The following XPR1 variants were observed in gnomAD, a reference collection of about 807,000 sequenced individuals.
XPR1 encodes the protein xenotropic and polytropic retrovirus receptor 1.
XPR1 carries 28 observed loss-of-function variants against 87.5 expected under a neutral mutation model. The ratio of observed to expected loss-of-function variants is 0.32; its 90% CI spans 0.24 to 0.44. The LOEUF (loss-of-function observed/expected upper bound fraction) is 0.44. Ranked by LOEUF, XPR1 falls within the 20% of genes least tolerant of loss-of-function variation. XPR1 has a pLI of 1.00. For synonymous variants in XPR1, 300 were observed against 306.1 expected (o/e 0.98, Z 0.21); for missense variants, 559 against 862.3 (o/e 0.65, Z 4.41).
intron 12 of XPR1, among the ~76,000 whole-genome samples, chr1:180,864,507 G>C (rs189512520): frequency 5.3e-5 from 8 of 152,268 alleles, no homozygotes; most frequent in Admixed American, 3.3e-4. Flanking sequence ...AATGAAAAGT[G>C]TCATGAAAAG....
At chr1:180,847,941 G>A (rs1272680072) in intron 11 of XPR1, among the ~76,000 whole-genome samples, 3 of 152,198 alleles carry the variant, frequency 2.0e-5, no homozygotes, top group African/African-American at 7.2e-5. Flanking sequence ...GTTTGGAAAC[G>A]TAGAAGGAAA....
chr1:180,856,541 A>G (rs577195827), intron 11 of XPR1, among the ~76,000 whole-genome samples: 162 of 152,336 alleles, frequency 1.1e-3, no homozygotes, highest in African/African-American at 3.8e-3. Flanking sequence ...TAAGTACCTT[A>G]AAGTCAACAC....
At chr1:180,810,533 C>T (rs1650169277) in intron 6 of XPR1, among the ~76,000 whole-genome samples, 1 of 151,812 alleles carries the variant, frequency 6.6e-6, no homozygotes, top group Non-Finnish European at 1.5e-5. Flanking sequence ...AAGCTGTGAT[C>T]ACACCCCTGC....
chr1:180,812,739 C>T (rs1465406678), intron 7 of XPR1, among the ~76,000 whole-genome samples: 4 of 151,492 alleles, frequency 2.6e-5, no homozygotes, highest in African/African-American at 9.7e-5. Flanking sequence ...ACCTCTGCCT[C>T]CTGGGTTCAC....
At chr1:180,728,842 A>G (rs1242255515) in intron 2 of XPR1, among the ~76,000 whole-genome samples, 1 of 152,026 alleles carries the variant, frequency 6.6e-6, no homozygotes, top group Non-Finnish European at 1.5e-5. Flanking sequence ...TTGTTAAATT[A>G]ATTTTCAGGT....
intron 2 of XPR1, among the ~76,000 whole-genome samples, chr1:180,711,968 T>TC (rs1368592658): frequency 6.6e-6 from 1 of 152,194 alleles, no homozygotes; most frequent in Non-Finnish European, 1.5e-5. Context: ...CCATCCTGTC[T>TC]CCACTGTATT....
chr1:180,720,905 G>A (rs533466935), intron 2 of XPR1, among the ~76,000 whole-genome samples: 198 of 152,214 alleles, frequency 1.3e-3, no homozygotes, highest in African/African-American at 4.6e-3. Flanking sequence ...GAATCAGAGG[G>A]TAAAATGAGA....
intron 2 of XPR1, among the ~76,000 whole-genome samples, chr1:180,682,748 G>T (rs1443261477): frequency 6.6e-6 from 1 of 151,424 alleles, no homozygotes; most frequent in Non-Finnish European, 1.5e-5. Context: ...ACACAACATA[G>T]CTTTTCCTTT....
intron 2 of XPR1, among the ~76,000 whole-genome samples, chr1:180,713,587 G>T (rs1657881809): frequency 1.3e-5 from 2 of 152,132 alleles, no homozygotes; most frequent in African/African-American, 4.8e-5. Flanking sequence ...TTAGGAGTAA[G>T]TAGACATTGG....
chr1:180,703,547 G>C (rs1045109791), intron 2 of XPR1, among the ~76,000 whole-genome samples: 1 of 152,176 alleles, frequency 6.6e-6, no homozygotes, highest in Non-Finnish European at 1.5e-5. Context: ...AGGCAGGGCA[G>C]ATCAGTCCTC....
chr1:180,848,264 C>A (rs141977744), intron 11 of XPR1, among the ~76,000 whole-genome samples: 35 of 152,198 alleles, frequency 2.3e-4, no homozygotes, highest in African/African-American at 4.3e-4. Flanking sequence ...ACTTATTGCT[C>A]CTATCTAGAT....
chr1:180,819,055 T>G (rs999463170), intron 7 of XPR1, among the ~76,000 whole-genome samples: 6 of 152,160 alleles, frequency 3.9e-5, no homozygotes, highest in African/African-American at 1.4e-4. Flanking sequence ...GCTCAGGCGA[T>G]CCTCCTGCCT....
chr1:180,825,478 C>A, intron 9 of XPR1, 134 bp downstream of exon 9: 3 of 896,680 alleles, frequency 3.3e-6, no homozygotes, highest in Non-Finnish European at 4.7e-6. Flanking sequence ...TGAGTGGAGG[C>A]CCTGGGAAAA....
At chr1:180,816,508 C>A (rs1409664738) in intron 7 of XPR1, among the ~76,000 whole-genome samples, 1 of 152,102 alleles carries the variant, frequency 6.6e-6, no homozygotes, top group Non-Finnish European at 1.5e-5. Flanking sequence ...CATATGTCCA[C>A]CAAAAGACAT....
intron 2 of XPR1, among the ~76,000 whole-genome samples, chr1:180,690,631 T>G (rs1020033283): frequency 9.2e-5 from 14 of 152,018 alleles, no homozygotes; most frequent in Non-Finnish European, 1.9e-4. Context: ...ACTTAGTCAC[T>G]TTATATTGCT....
At chr1:180,814,189 T>C (rs927725712) in intron 7 of XPR1, among the ~76,000 whole-genome samples, 4 of 152,208 alleles carry the variant, frequency 2.6e-5, no homozygotes, top group Admixed American at 6.5e-5. Flanking sequence ...AGAGAACATA[T>C]GAATTTTACC....
At chr1:180,830,279 G>C (rs1651010124) in intron 9 of XPR1, among the ~76,000 whole-genome samples, 1 of 152,112 alleles carries the variant, frequency 6.6e-6, no homozygotes, top group Non-Finnish European at 1.5e-5. Context: ...GGTATAGATT[G>C]TCTCTCTGGT....
At chr1:180,831,527 C>G (rs1389591248) in intron 9 of XPR1, among the ~76,000 whole-genome samples, 4 of 151,608 alleles carry the variant, frequency 2.6e-5, no homozygotes, top group African/African-American at 9.7e-5. Flanking sequence ...GGTATTTCTC[C>G]TAATGTTATC....
chr1:180,738,056 G>C (rs1437117102), intron 2 of XPR1, among the ~76,000 whole-genome samples: 1 of 152,088 alleles, frequency 6.6e-6, no homozygotes, highest in Non-Finnish European at 1.5e-5. Context: ...CTGTCACCCA[G>C]GCTGGAGCGC....
Sources: allele counts gnomAD v4.1 joint callset (sites outside exome capture counted in the v4.1 genomes callset), GRCh38; gene constraint gnomAD v4.1.1; transcripts MANE v1.5; gene names NCBI Gene and HGNC (gene_info 2026-07-23, HGNC 2026-07-21).